CACNA2D1: variants seen among roughly 807,000 people sequenced by gnomAD.
CACNA2D1 encodes the protein voltage-dependent calcium channel subunit alpha-2/delta-1.
Under a neutral mutation model 171.5 loss-of-function variants are expected in CACNA2D1, and 53 were observed. The ratio of observed to expected loss-of-function variants is 0.31; its 90% CI spans 0.25 to 0.39. The LOEUF (loss-of-function observed/expected upper bound fraction) is 0.39, where lower values mean the gene tolerates loss of function less well. CACNA2D1 is among the 10% of genes least tolerant of loss of function. The pLI, the probability that CACNA2D1 is intolerant of heterozygous loss-of-function variation, is 1.00. For missense variants in CACNA2D1, 903 were observed against 1,299.8 expected (o/e 0.69, Z 4.69); for synonymous variants, 442 against 443.1 (o/e 1.00, Z 0.03).
chr7:82,180,905 TA>T (rs2129169126), intron 3 of CACNA2D1, among the ~76,000 whole-genome samples: 1 of 151,784 alleles, frequency 6.6e-6, no homozygotes, highest in South Asian at 2.1e-4. Context: ...ATGCCTTTCT[TA>T]AGGTGCTCAG....
intron 4 of CACNA2D1, among the ~76,000 whole-genome samples, chr7:82,151,048 C>T (rs1793804737): frequency 6.6e-6 from 1 of 152,054 alleles, no homozygotes; most frequent in South Asian, 2.1e-4. Context: ...TTAGTTAAAA[C>T]ATGCATAATT....
At chr7:82,000,759 T>G (rs1798507602) in intron 18 of CACNA2D1, among the ~76,000 whole-genome samples, 3 of 133,704 alleles carry the variant, frequency 2.2e-5, no homozygotes, top group Non-Finnish European at 4.8e-5. Flanking sequence ...CATGCCTAAC[T>G]AATTTTTCTT....
At chr7:82,149,975 T>TGTGC (rs1793625302) in intron 4 of CACNA2D1, among the ~76,000 whole-genome samples, 1 of 151,594 alleles carries the variant, frequency 6.6e-6, no homozygotes, top group Admixed American at 6.6e-5. Context: ...TGTGTGTACA[T>TGTGC]GTGCGTGTGT....
At chr7:81,970,815 G>A in intron 26 of CACNA2D1, 78 bp from the exon 27 acceptor site, 2 of 832,930 alleles carry the variant, frequency 2.4e-6, no homozygotes, top group South Asian at 2.7e-5. Flanking sequence ...GTGATACAAA[G>A]AGAAGTAAGT....
intron 10 of CACNA2D1, among the ~76,000 whole-genome samples, chr7:82,045,466 CT>C (rs1804447597): frequency 6.6e-6 from 1 of 152,064 alleles, no homozygotes; most frequent in Admixed American, 6.6e-5. Context: ...TGTAACCTTA[CT>C]GATGTTTCAT....
At chr7:82,365,885 T>A (rs77235614) in intron 1 of CACNA2D1, among the ~76,000 whole-genome samples, 262 of 152,282 alleles carry the variant, frequency 1.7e-3, no homozygotes, top group Non-Finnish European at 2.7e-3. Flanking sequence ...TGAACACAGT[T>A]AGATGACAGA....
At chr7:82,022,623 T>G (rs2131038063) in intron 12 of CACNA2D1, among the ~76,000 whole-genome samples, 1 of 152,070 alleles carries the variant, frequency 6.6e-6, no homozygotes, top group Admixed American at 6.6e-5. Flanking sequence ...GTTGAAAAAC[T>G]GACAATGTTC....
At chr7:82,142,378 C>A (rs775404284) in intron 4 of CACNA2D1, among the ~76,000 whole-genome samples, 4 of 152,080 alleles carry the variant, frequency 2.6e-5, no homozygotes, top group Non-Finnish European at 5.9e-5. Context: ...TAAATCTGAG[C>A]AAAATAGACC....
chr7:82,223,140 A>C (rs550847430), intron 3 of CACNA2D1, among the ~76,000 whole-genome samples: 21 of 152,022 alleles, frequency 1.4e-4, no homozygotes, highest in Admixed American at 2.6e-4. Context: ...TCCTGACCTC[A>C]AGTGATTCAC....
intron 11 of CACNA2D1, among the ~76,000 whole-genome samples, chr7:82,036,297 CT>C (rs1416887484): frequency 6.6e-6 from 1 of 152,168 alleles, no homozygotes; most frequent in Admixed American, 6.5e-5. Context: ...CCCCTAAACA[CT>C]TCCTTAACTG....
intron 3 of CACNA2D1, among the ~76,000 whole-genome samples, chr7:82,196,750 T>C (rs3819440): frequency 1.3e-5 from 2 of 151,348 alleles, no homozygotes; most frequent in Admixed American, 6.6e-5. Flanking sequence ...ATAAGAGAGA[T>C]AGATAAAGAC....
intron 6 of CACNA2D1, among the ~76,000 whole-genome samples, chr7:82,090,823 A>T (rs1369460609): frequency 6.6e-6 from 1 of 152,146 alleles, no homozygotes; most frequent in East Asian, 1.9e-4. Flanking sequence ...TTAGTTTTAG[A>T]TTCAACACTT....
At chr7:82,052,396 T>A (rs1048724022) in intron 10 of CACNA2D1, among the ~76,000 whole-genome samples, 1 of 152,158 alleles carries the variant, frequency 6.6e-6, no homozygotes, top group African/African-American at 2.4e-5. Context: ...ATTATAAATA[T>A]ATTTTGAAGG....
At chr7:81,996,048 T>C (rs1798011749) in intron 19 of CACNA2D1, among the ~76,000 whole-genome samples, 1 of 152,194 alleles carries the variant, frequency 6.6e-6, no homozygotes, top group African/African-American at 2.4e-5. Context: ...AAGGAGTAGA[T>C]AACAGCTTCT....
intron 1 of CACNA2D1, among the ~76,000 whole-genome samples, chr7:82,401,382 A>C (rs1826389918): frequency 6.6e-6 from 1 of 150,782 alleles, no homozygotes. Context: ...AGCCATAAAA[A>C]ATGATGAGTT....
intron 6 of CACNA2D1, among the ~76,000 whole-genome samples, chr7:82,109,736 T>C (rs1423959139): frequency 1.3e-5 from 2 of 152,234 alleles, no homozygotes; most frequent in Admixed American, 1.3e-4. Flanking sequence ...AACTTTGCTA[T>C]TTGGGGATTT....
intron 38 of CACNA2D1, 109 bp from the exon 39 acceptor site, chr7:81,950,617 A>G: frequency 1.4e-6 from 2 of 1,435,504 alleles, no homozygotes; most frequent in Non-Finnish European, 9.3e-7. Flanking sequence ...CACTTTCTGA[A>G]CTTACCTTAT....
intron 11 of CACNA2D1, chr7:82,033,131 A>G (rs1802914362): frequency 2.4e-6 from 1 of 418,244 alleles, no homozygotes; most frequent in Non-Finnish European, 4.4e-6. Flanking sequence ...TCAGTCTTTG[A>G]TCATACGCCA....
At chr7:82,193,858 C>T (rs1238392877) in intron 3 of CACNA2D1, among the ~76,000 whole-genome samples, 6 of 151,834 alleles carry the variant, frequency 4.0e-5, no homozygotes, top group Admixed American at 1.3e-4. Context: ...AATCAAAGAA[C>T]GTATTTACTT....
Sources: gnomAD v4.1 joint callset for allele counts (sites outside exome capture counted in the v4.1 genomes callset) on GRCh38, gnomAD v4.1.1 for gene constraint, MANE v1.5 for transcripts, NCBI Gene and HGNC (gene_info 2026-07-23, HGNC 2026-07-21) for gene names.